Variants in DNAH5 observed in about 807,000 individuals in gnomAD.
The protein encoded by DNAH5 is axonemal beta dynein heavy chain 5.
A neutral mutation model predicts 518.2 loss-of-function variants in DNAH5; 372 were observed. The ratio of observed to expected loss-of-function variants is 0.72; its 90% confidence interval spans 0.66 to 0.78. The LOEUF (loss-of-function observed/expected upper bound fraction) is 0.78, where lower values mean the gene tolerates loss of function less well. Among genes scored for constraint, DNAH5 ranks in the 30% least tolerant of loss-of-function variants. The pLI is 0.00. For synonymous variants in DNAH5, 2,039 were observed against 2,025.9 expected, an observed-to-expected ratio of 1.01 and a Z score of -0.17; for missense variants, 5,523 against 5,687.0, an observed-to-expected ratio of 0.97 and a Z score of 0.93.
chr5:13,942,046 ATTC>A (rs1779505541), intron 1 of DNAH5, among the ~76,000 whole-genome samples: 1 of 152,234 alleles, frequency 6.6e-6, no homozygotes, highest in Admixed American at 6.5e-5. Flanking sequence ...GGTACTAAGC[ATTC>A]TTTATCTCTG....
chr5:13,867,684 G>C, intron 25 of DNAH5, 90 bp downstream of exon 25: 3 of 1,063,348 alleles, frequency 2.8e-6, no homozygotes, highest in South Asian at 2.5e-5. Flanking sequence ...AAGTTTCACA[G>C]AAATTTACCC....
At chr5:13,856,847 T>G (rs763332146) in intron 30 of DNAH5, among the ~76,000 whole-genome samples, 1 of 152,194 alleles carries the variant, frequency 6.6e-6, no homozygotes. Context: ...AACTAAGTAT[T>G]GATGAAACAC....
chr5:13,935,587 T>G (rs1002052563), intron 1 of DNAH5, among the ~76,000 whole-genome samples: 6 of 152,232 alleles, frequency 3.9e-5, no homozygotes, highest in African/African-American at 1.2e-4. Context: ...AATGCCACAA[T>G]GTTTATCAAT....
At chr5:13,773,607 A>T (rs1753658177) in intron 55 of DNAH5, among the ~76,000 whole-genome samples, 1 of 152,200 alleles carries the variant, frequency 6.6e-6, no homozygotes, top group Non-Finnish European at 1.5e-5. Flanking sequence ...TGAACAAAGG[A>T]TGTGTAGTTC....
intron 52 of DNAH5, 114 bp from the exon 53 acceptor site, chr5:13,781,073 T>C (rs1755052331): frequency 1.6e-6 from 2 of 1,219,274 alleles, no homozygotes; most frequent in East Asian, 5.3e-5. Flanking sequence ...TATAGGTGTC[T>C]CAAGATCAGA....
intron 40 of DNAH5, among the ~76,000 whole-genome samples, chr5:13,821,077 AT>A (rs1260052511): frequency 6.6e-6 from 1 of 152,204 alleles, no homozygotes; most frequent in African/African-American, 2.4e-5. Flanking sequence ...ATAATAAAAA[AT>A]ATATTGCATG....
rs1000047685 is a variant in DNAH5 at position 13,865,852 on chromosome 5, G to T, written c.4171C>A (p.Leu1391Ile). The T allele has an allele frequency of 1.2e-6, 2 of 1,613,448 alleles. No homozygotes were observed. Among genetic ancestry groups the T allele is most frequent in the Non-Finnish European group, 1.7e-6 (2 of 1,179,574 alleles). ...TACTGTGTAGCTGGCAGGCCAAAAA[G>T]CTCCTCTCCTCCAGTATATGTGATG... is the stretch of plus-strand genomic sequence containing the variant. ...KYITYTGGEE[L>I]FGLPATQYPQ... Residue 1391 changes from leucine to isoleucine, a missense_variant, in exon 27 of 79, where the codon CTT becomes ATT. Leu to Ile is a conservative substitution (Grantham distance 5). Around this residue, in one of 3 missense-constraint regions of DNAH5, gnomAD observed 5,121 missense variants for 5,223.3 expected, o/e 0.98. Coordinates refer to ENST00000265104, the MANE Select transcript of DNAH5 (RefSeq NM_001369.3).
chr5:13,781,589 T>A (rs1389660427), intron 52 of DNAH5, among the ~76,000 whole-genome samples: 1 of 151,950 alleles, frequency 6.6e-6, no homozygotes, highest in Non-Finnish European at 1.5e-5. Flanking sequence ...AGTGACTAAG[T>A]CTCATGAGAT....
chr5:13,838,329 C>T (rs761570776), intron 35 of DNAH5, among the ~76,000 whole-genome samples: 26 of 152,100 alleles, frequency 1.7e-4, no homozygotes, highest in Non-Finnish European at 2.4e-4. Context: ...TGTTAGGAAC[C>T]GGGCCACACA....
At chr5:13,755,683 C>A (rs1750901322) in intron 61 of DNAH5, among the ~76,000 whole-genome samples, 1 of 152,176 alleles carries the variant, frequency 6.6e-6, no homozygotes, top group South Asian at 2.1e-4. Context: ...AGAGAACCAT[C>A]CCCCAACTAC....
At chr5:13,856,040 A>C (rs1413829245) in intron 30 of DNAH5, among the ~76,000 whole-genome samples, 1 of 152,234 alleles carries the variant, frequency 6.6e-6, no homozygotes, top group Non-Finnish European at 1.5e-5. Context: ...CACAGGAGAA[A>C]GTGGAAAAGA....
chr5:13,911,957 C>T (rs1241796057), intron 11 of DNAH5, among the ~76,000 whole-genome samples: 1 of 152,082 alleles, frequency 6.6e-6, no homozygotes, highest in Non-Finnish European at 1.5e-5. Context: ...GAGTTACTAC[C>T]TTCCAAGCTT....
chr5:13,955,112 G>A (rs1335744469), intron 1 of DNAH5, among the ~76,000 whole-genome samples: 1 of 152,156 alleles, frequency 6.6e-6, no homozygotes, highest in South Asian at 2.1e-4. Context: ...TGGCTCATGG[G>A]ATAATTTCTA....
At chr5:13,873,567 A>G (rs1030769889) in intron 22 of DNAH5, among the ~76,000 whole-genome samples, 1 of 152,124 alleles carries the variant, frequency 6.6e-6, no homozygotes, top group African/African-American at 2.4e-5. Context: ...TTGGGCCACA[A>G]TTTCTTTTTT....
intron 22 of DNAH5, among the ~76,000 whole-genome samples, chr5:13,875,465 CAAAAAAA>C (rs70964513): frequency 9.4e-6 from 1 of 106,002 alleles, no homozygotes; most frequent in South Asian, 3.5e-4. Context: ...GAAACTCCTT[CAAAAAAA>C]AAAAAAAAAA....
In DNAH5 at chr5:13,975,018, C is replaced by T. The variant is rs572421232; in HGVS notation, c.12+36630G>A. Among the ~76,000 whole-genome samples, 14 of 152,240 alleles carry T rather than the reference C, an allele frequency of 9.2e-5. No individual in the cohort carries two copies. In the East Asian group the frequency reaches 2.5e-3, roughly 27 times the overall value. ...GTCCACAGGGTGAGGGAGCAAATAC[C>T]GCGGCAGGCATCCAGGAGGCAGAAC... On this transcript the variant is annotated intron_variant, in intron 1 of 78. Transcript: ENST00000681290.
At chr5:13,913,621 A>G (rs1327819266) in intron 11 of DNAH5, 122 bp downstream of exon 11, 2 of 1,161,730 alleles carry the variant, frequency 1.7e-6, no homozygotes, top group African/African-American at 1.6e-5. Flanking sequence ...AAAGGCCATG[A>G]GATTATTTAT....
At position 13,795,703 on chromosome 5, in the gene DNAH5, G is replaced by C. The variant is rs1757718424; in HGVS notation, c.7888-1645C>G. ...GAATCCTCCCTAAGTCATTTTATGA[G>C]GCCAGCGTCATCCTGATACCAAAGC... On this transcript the variant is annotated intron_variant, in intron 47 of 78. Transcript: ENST00000265104. 2.0e-5 allele frequency among the ~76,000 whole-genome samples: 3 copies of C among 151,856 alleles called. No homozygotes were observed. The South Asian group carries it at 6.2e-4, about 32-fold the overall frequency.
At position 13,886,141 on chromosome 5, in the gene DNAH5, A is replaced by C. The variant is rs1448380840; in HGVS notation, c.2578-12T>G. ...TTTACACAAAGATCCTAACCAAAAA[A>C]AAAAAAAAAAAAAGATAGCACAGTG... On this transcript the variant is annotated splice_polypyrimidine_tract_variant and intron_variant, in intron 17 of 78. Coordinates refer to ENST00000265104, the MANE Select transcript of DNAH5 (RefSeq NM_001369.3). 4.2e-6 allele frequency: 6 copies of C among 1,435,404 alleles called. No individual in the cohort carries two copies. The highest frequency in any genetic ancestry group is 5.6e-6 in the Non-Finnish European group (6 of 1,064,980). The allele number at this position is 1,435,404 out of a possible 1,614,324, so 88.9% of individuals were successfully genotyped here.
Sources: gnomAD v4.1 joint callset for allele counts (sites outside exome capture counted in the v4.1 genomes callset) on GRCh38, gnomAD v4.1.1 for gene constraint, gnomAD v4.1.1 regional missense constraint, MANE v1.5 for transcripts, NCBI Gene and HGNC (gene_info 2026-07-23, HGNC 2026-07-21) for gene names.